Variants in SYT1 observed in about 807,000 individuals in gnomAD.
SYT1 encodes the protein synaptotagmin-1.
In SYT1, 8 loss-of-function variants were observed where a neutral mutation model predicts 44.8. That is an observed-to-expected ratio of 0.18 (90% CI 0.10 to 0.32). The LOEUF (loss-of-function observed/expected upper bound fraction) is 0.32. Among genes scored for constraint, SYT1 ranks in the 10% least tolerant of loss-of-function variants. The pLI, the probability that SYT1 is intolerant of heterozygous loss-of-function variation, is 1.00. For missense variants in SYT1, 286 were observed against 509.3 expected, an observed-to-expected ratio of 0.56 and a Z score of 4.22; for synonymous variants, 154 against 188.8, an observed-to-expected ratio of 0.82 and a Z score of 1.51.
At chr12:79,136,288 T>C (rs996992096) in intron 3 of SYT1, among the ~76,000 whole-genome samples, 2 of 152,198 alleles carry the variant, frequency 1.3e-5, no homozygotes, top group Admixed American at 6.5e-5. Flanking sequence ...TATTATGAGG[T>C]TGATAATTTA....
chr12:79,340,682 T>C (rs1882327368), intron 8 of SYT1, among the ~76,000 whole-genome samples: 2 of 152,204 alleles, frequency 1.3e-5, no homozygotes, highest in South Asian at 4.1e-4. Flanking sequence ...CTGATTGCCC[T>C]CTGGCCAACT....
chr12:79,372,636 T>C (rs575709659), intron 9 of SYT1, among the ~76,000 whole-genome samples: 1 of 152,334 alleles, frequency 6.6e-6, no homozygotes, highest in Admixed American at 6.5e-5. Context: ...ACAGTATTTC[T>C]GAACAAGCAA....
At chr12:79,403,739 G>T (rs1885149286) in intron 9 of SYT1, among the ~76,000 whole-genome samples, 1 of 152,072 alleles carries the variant, frequency 6.6e-6, no homozygotes, top group African/African-American at 2.4e-5. Context: ...CAAAGTATAG[G>T]CCCAGGCCCA....
chr12:79,367,431 T>C (rs762405771), intron 9 of SYT1, among the ~76,000 whole-genome samples: 1 of 152,222 alleles, frequency 6.6e-6, no homozygotes, highest in Non-Finnish European at 1.5e-5. Context: ...AAATACCTAA[T>C]TGATGCAATA....
intron 8 of SYT1, among the ~76,000 whole-genome samples, chr12:79,321,220 AGT>A (rs1223280305): frequency 6.6e-6 from 1 of 152,240 alleles, no homozygotes; most frequent in East Asian, 1.9e-4. Context: ...TAACTAAGGA[AGT>A]AATGGCCAAA....
intron 3 of SYT1, among the ~76,000 whole-genome samples, chr12:79,144,476 T>A (rs2138228291): frequency 6.6e-6 from 1 of 152,222 alleles, no homozygotes; most frequent in African/African-American, 2.4e-5. Flanking sequence ...AGGCTTCTGA[T>A]TTTCTGTGCA....
chr12:79,006,746 T>TG (rs1871116438), intron 2 of SYT1, among the ~76,000 whole-genome samples: 1 of 152,146 alleles, frequency 6.6e-6, no homozygotes, highest in Non-Finnish European at 1.5e-5. Flanking sequence ...CTGATTGCAA[T>TG]GGGGGAAAAG....
Position 79,450,860 on chromosome 12 carries a change from G to A in SYT1, c.*1736G>A, listed in dbSNP as rs988304097. ...TATGGTAGACAACCATTTCGTGGAA[G>A]GGCAGCCTATTATCCCACACTGCAT... On this transcript the variant is annotated 3_prime_UTR_variant, in exon 11 of 11. Coordinates refer to ENST00000261205, the MANE Select transcript of SYT1 (RefSeq NM_005639.3). 13 of 152,642 alleles carry A rather than the reference G, an allele frequency of 8.5e-5. No homozygotes were observed. The highest frequency in any genetic ancestry group is 2.9e-4 in the African/African-American group (12 of 41,444). The allele number at this position is 152,642 out of a possible 1,614,324, so 9.5% of individuals were successfully genotyped here.
chr12:79,310,102 A>C (rs958590601), intron 8 of SYT1, among the ~76,000 whole-genome samples: 80 of 152,054 alleles, frequency 5.3e-4, no homozygotes, highest in African/African-American at 1.8e-3. Context: ...ATGCCTATGT[A>C]CTGAATGGTA....
chr12:78,962,381 C>T (rs1372412949), intron 1 of SYT1, among the ~76,000 whole-genome samples: 5 of 137,098 alleles, frequency 3.6e-5, no homozygotes, highest in Non-Finnish European at 4.6e-5. Flanking sequence ...AGCATCACTT[C>T]GTGGGTCACG....
intron 3 of SYT1, among the ~76,000 whole-genome samples, chr12:79,072,738 G>A (rs1350716160): frequency 1.3e-5 from 2 of 152,070 alleles, no homozygotes; most frequent in Non-Finnish European, 2.9e-5. Flanking sequence ...TGAGAATTAA[G>A]GATGGGATGG....
chr12:78,879,533 G>A (rs1874345641), intron 1 of SYT1, among the ~76,000 whole-genome samples: 1 of 151,742 alleles, frequency 6.6e-6, no homozygotes, highest in Non-Finnish European at 1.5e-5. Context: ...CAATCTTGGT[G>A]AATGATTGCA....
chr12:79,283,886 A>G (rs1319033628), intron 4 of SYT1, among the ~76,000 whole-genome samples: 3 of 151,672 alleles, frequency 2.0e-5, no homozygotes, highest in Non-Finnish European at 4.4e-5. Flanking sequence ...TCTAGTATCC[A>G]GTCATAAGCC....
At chr12:79,397,157 G>T (rs1464509417) in intron 9 of SYT1, among the ~76,000 whole-genome samples, 1 of 152,180 alleles carries the variant, frequency 6.6e-6, no homozygotes, top group Non-Finnish European at 1.5e-5. Flanking sequence ...GAACCAGCTG[G>T]TGTAGAGGTT....
At chr12:79,048,255 TG>T (rs1303412073) in intron 3 of SYT1, among the ~76,000 whole-genome samples, 1 of 151,782 alleles carries the variant, frequency 6.6e-6, no homozygotes, top group Admixed American at 6.6e-5. Context: ...TCAAGTTCAA[TG>T]GAAAAAAATG....
chr12:79,123,309 ATG>A (rs66869713), intron 3 of SYT1, among the ~76,000 whole-genome samples: 9,356 of 141,482 alleles, frequency 0.066, 323 homozygotes, highest in Admixed American at 0.11. Context: ...TAAAAATGCA[ATG>A]TGTGTGTGTG....
chr12:79,447,220 T>C (rs1460826428), intron 10 of SYT1, among the ~76,000 whole-genome samples: 3 of 151,988 alleles, frequency 2.0e-5, no homozygotes, highest in Non-Finnish European at 4.4e-5. Context: ...CTTTTTTTTT[T>C]CCTTTTTTTA....
chr12:79,137,654 T>C (rs567125368), intron 3 of SYT1, among the ~76,000 whole-genome samples: 3 of 152,326 alleles, frequency 2.0e-5, no homozygotes, highest in South Asian at 4.1e-4. Context: ...AAACTATAAG[T>C]ATAAAATAAG....
chr12:78,986,182 C>T (rs564090983), intron 2 of SYT1, among the ~76,000 whole-genome samples: 53 of 152,018 alleles, frequency 3.5e-4, no homozygotes, highest in African/African-American at 1.1e-3. Flanking sequence ...TGGTGAATAG[C>T]GAAGATGATT....
Sources: allele counts gnomAD v4.1 joint callset (sites outside exome capture counted in the v4.1 genomes callset), GRCh38; gene constraint gnomAD v4.1.1; transcripts MANE v1.5; gene names NCBI Gene and HGNC (gene_info 2026-07-23, HGNC 2026-07-21).